Variants in RANBP2 observed in about 807,000 individuals in gnomAD.
RANBP2 encodes the protein E3 SUMO-protein ligase RanBP2.
RANBP2 carries 57 observed loss-of-function variants against 303.6 expected under a neutral mutation model. That is an observed-to-expected ratio of 0.19 (90% confidence interval 0.15 to 0.23). RANBP2 has a LOEUF of 0.23. Ranked by LOEUF, RANBP2 falls within the 10% of genes least tolerant of loss-of-function variation. The pLI, the probability that RANBP2 is intolerant of heterozygous loss-of-function variation, is 1.00. For synonymous variants in RANBP2, 1,167 were observed against 1,301.5 expected (o/e 0.90, Z 2.23); for missense variants, 3,138 against 3,780.8 (o/e 0.83, Z 4.46).
the RANBP2 span, among the ~76,000 whole-genome samples, chr2:109,410,592 C>T: frequency 1.5e-4 from 23 of 152,206 alleles, no homozygotes; most frequent in Admixed American, 2.6e-4. Flanking sequence ...GAGCATCCTG[C>T]CCGAGGGAGG....
the RANBP2 span, among the ~76,000 whole-genome samples, chr2:109,520,117 T>C: frequency 2.0e-5 from 3 of 152,342 alleles, no homozygotes; most frequent in East Asian, 3.9e-4. Context: ...GTACTACGTG[T>C]AGTTTTGCTA....
the RANBP2 span, among the ~76,000 whole-genome samples, chr2:108,841,668 C>A: frequency 6.6e-6 from 1 of 152,030 alleles, no homozygotes; most frequent in South Asian, 2.1e-4. Context: ...CATACAGCTG[C>A]ATTTAGAAAA....
At chr2:109,404,949 GCCC>G in the RANBP2 span, among the ~76,000 whole-genome samples, 2 of 151,910 alleles carry the variant, frequency 1.3e-5, no homozygotes, top group Non-Finnish European at 2.9e-5. Flanking sequence ...TTCCAGTGGA[GCCC>G]CGTCCTGGCC....
the RANBP2 span, among the ~76,000 whole-genome samples, chr2:109,061,754 A>G: frequency 0.13 from 20,000 of 152,142 alleles, 1,419 homozygotes; most frequent in Non-Finnish European, 0.16. Context: ...TAGTCAATCC[A>G]TATTATCAGA....
chr2:109,283,469 G>T, the RANBP2 span, among the ~76,000 whole-genome samples: 1 of 152,246 alleles, frequency 6.6e-6, no homozygotes, highest in African/African-American at 2.4e-5. Context: ...AGAAATGCTG[G>T]TGACCACAGA....
chr2:109,383,136 T>A, the RANBP2 span, among the ~76,000 whole-genome samples: 1 of 152,238 alleles, frequency 6.6e-6, no homozygotes, highest in Admixed American at 6.5e-5. Flanking sequence ...TGTGAGTGCT[T>A]GCAGCTTTTC....
chr2:109,524,897 C>T, the RANBP2 span, among the ~76,000 whole-genome samples: 202 of 152,206 alleles, frequency 1.3e-3, no homozygotes, highest in African/African-American at 4.7e-3. Flanking sequence ...ACAAATGGCA[C>T]ATGGAATTCC....
chr2:109,712,194 G>A, the RANBP2 span, among the ~76,000 whole-genome samples: 15 of 152,134 alleles, frequency 9.9e-5, no homozygotes, highest in Admixed American at 7.9e-4. Flanking sequence ...TGAGCTCAGG[G>A]CTGCCCTGGC....
chr2:108,783,650 A>G lies in RANBP2; in HGVS notation c.9424A>G (p.Lys3142Glu), dbSNP rs762625710. The G allele has an allele frequency of 3.1e-6, 5 of 1,612,144 alleles. No individual in the cohort carries two copies. In the Admixed American group the frequency reaches 8.3e-5, roughly 27 times the overall value. ...GTGGQSIYGD[K>E]FEDENFDVKH... is the part of the protein sequence containing the mutation. ...AGGCGGACAGTCCATTTATGGAGAC[A>G]AATTTGAAGATGAAAATTTTGATGT... Residue 3142 changes from lysine to glutamate, a missense_variant, in exon 29 of 29, where the codon AAA becomes GAA. Lys to Glu is a moderately conservative substitution (Grantham distance 56). This residue lies in a region of RANBP2 where 204 missense variants were observed against 228.4 expected (regional missense o/e 0.89). Transcript: ENST00000283195.
the RANBP2 span, among the ~76,000 whole-genome samples, chr2:109,232,553 G>A: frequency 6.6e-6 from 1 of 152,202 alleles, no homozygotes; most frequent in Non-Finnish European, 1.5e-5. Flanking sequence ...TGTTCAATAA[G>A]CGTGGACCTT....
the RANBP2 span, among the ~76,000 whole-genome samples, chr2:109,116,129 G>C: frequency 6.6e-6 from 1 of 152,122 alleles, no homozygotes; most frequent in East Asian, 1.9e-4. Context: ...TCTTCTCGAG[G>C]AGTATCTTTG....
chr2:108,824,416 T>TTA, the RANBP2 span, among the ~76,000 whole-genome samples: 1 of 152,328 alleles, frequency 6.6e-6, no homozygotes, highest in Non-Finnish European at 1.5e-5. Context: ...CAAACGCACA[T>TTA]GTTAGCTTAG....
At chr2:108,741,575 G>A (rs1380077112) in intron 7 of RANBP2, among the ~76,000 whole-genome samples, 12 of 131,426 alleles carry the variant, frequency 9.1e-5, no homozygotes, top group African/African-American at 3.5e-4. Flanking sequence ...GCACGATCTC[G>A]GCTCCCTGCA....
the RANBP2 span, among the ~76,000 whole-genome samples, chr2:109,606,172 T>G: frequency 6.6e-6 from 1 of 152,160 alleles, no homozygotes; most frequent in South Asian, 2.1e-4. Context: ...ATCCCAGCAC[T>G]TTGGGAGACC....
chr2:109,524,242 C>T, the RANBP2 span, among the ~76,000 whole-genome samples: 7 of 150,182 alleles, frequency 4.7e-5, no homozygotes, highest in African/African-American at 1.2e-4. Context: ...TAGGGAGGAC[C>T]TGGGGCTCAG....
chr2:109,004,750 T>G, the RANBP2 span, among the ~76,000 whole-genome samples: 5 of 152,212 alleles, frequency 3.3e-5, no homozygotes, highest in Non-Finnish European at 7.3e-5. Flanking sequence ...TTCCTTGAGC[T>G]TTCTTCATTC....
At chr2:109,688,651 C>T in the RANBP2 span, among the ~76,000 whole-genome samples, 108 of 151,610 alleles carry the variant, frequency 7.1e-4, no homozygotes, top group African/African-American at 2.1e-3. Context: ...TAGTGGCGCA[C>T]GCCTGTAGTC....
At chr2:109,375,170 G>A in the RANBP2 span, among the ~76,000 whole-genome samples, 1 of 152,238 alleles carries the variant, frequency 6.6e-6, no homozygotes, top group Admixed American at 6.5e-5. Flanking sequence ...CTGCCCCTGG[G>A]CACTGACCCC....
the RANBP2 span, among the ~76,000 whole-genome samples, chr2:109,667,581 C>T: frequency 6.6e-6 from 1 of 152,030 alleles, no homozygotes; most frequent in Non-Finnish European, 1.5e-5. Flanking sequence ...GGTGGTTTTG[C>T]GGTAAAGGTA....
Sources: gnomAD v4.1 joint callset for allele counts (sites outside exome capture counted in the v4.1 genomes callset) on GRCh38, gnomAD v4.1.1 for gene constraint, gnomAD v4.1.1 regional missense constraint, MANE v1.5 for transcripts, NCBI Gene and HGNC (gene_info 2026-07-23, HGNC 2026-07-21) for gene names.